NMRK2: variants seen among roughly 807,000 people sequenced by gnomAD.
NMRK2 encodes the protein NRK 2.
In NMRK2, 34 loss-of-function variants were observed where a neutral mutation model predicts 24.7. The observed-to-expected ratio is 1.37, with a 90% confidence interval of 1.05 to 1.83. NMRK2 has a LOEUF of 1.83. NMRK2 is among the 40% of genes most tolerant of loss of function. The pLI, the probability that NMRK2 is intolerant of heterozygous loss-of-function variation, is 0.00. For missense variants in NMRK2, 341 were observed against 315.0 expected (o/e 1.08, Z -0.62); for synonymous variants, 145 against 125.6 (o/e 1.15, Z -1.03).
intron 1 of NMRK2, 33 bp from the exon 2 acceptor site, chr19:3,933,425 G>A (rs1384582520): frequency 1.3e-4 from 66 of 501,950 alleles, no homozygotes; most frequent in Non-Finnish European, 1.1e-4. Flanking sequence ...CCCCCTGCCC[G>A]GCCAGCTCGT....
chr19:3,936,043 G>A (rs1357633185), intron 2 of NMRK2, among the ~76,000 whole-genome samples: 4 of 151,916 alleles, frequency 2.6e-5, no homozygotes, highest in Admixed American at 1.3e-4. Flanking sequence ...AAACCCCATC[G>A]CTATTAAAAA....
At chr19:3,939,039 G>T (rs1313025657) in intron 5 of NMRK2, among the ~76,000 whole-genome samples, 1 of 151,210 alleles carries the variant, frequency 6.6e-6, no homozygotes, top group Non-Finnish European at 1.5e-5. Flanking sequence ...GTAGAGACTG[G>T]GTTTCACCCT....
At chr19:3,934,479 G>A (rs1483032590) in intron 2 of NMRK2, among the ~76,000 whole-genome samples, 1 of 151,838 alleles carries the variant, frequency 6.6e-6, no homozygotes, top group South Asian at 2.1e-4. Context: ...TCACACCCCC[G>A]CCTCAGAAGG....
intron 3 of NMRK2, 60 bp from the exon 4 acceptor site, chr19:3,937,180 C>G: frequency 6.3e-7 from 1 of 1,583,138 alleles, no homozygotes; most frequent in Non-Finnish European, 8.7e-7. Context: ...CTCCATCACC[C>G]AGGCCGGGGG....
intron 3 of NMRK2, 78 bp from the exon 4 acceptor site, chr19:3,937,162 C>T: frequency 1.4e-6 from 2 of 1,446,982 alleles, no homozygotes; most frequent in South Asian, 1.2e-5. Context: ...GCAAGGGACC[C>T]CCTAAGACTC....
At chr19:3,936,147 G>A (rs7249960) in intron 2 of NMRK2, among the ~76,000 whole-genome samples, 124,950 of 151,358 alleles carry the variant, frequency 0.83, 51,916 homozygotes, top group East Asian at 0.99. Context: ...GGAGGCAGAG[G>A]TTGCAGTGAG....
rs1235094527 is a variant in NMRK2 at position 3,942,124 on chromosome 19, G to T, written c.544G>T (p.Glu182Ter). 2.0e-5 allele frequency: 33 copies of T among 1,613,198 alleles called. No homozygotes were observed. The highest frequency in any genetic ancestry group is 2.7e-5 in the Non-Finnish European group (32 of 1,180,020). ...GAAGTCCCGAGAGGAGCTCTTCCGT[G>T]AAGTCCTGGAAGACATTCAGAACTC... ...GMKSREELFR[E>*]VLEDIQNSLL... is the part of the protein sequence containing the mutation. The change falls in exon 8 of 8, where the codon GAA becomes TAA. Residue 182 changes from glutamate (E) to a stop codon, truncating the protein, a stop_gained. Transcript: ENST00000168977. LOFTEE classifies it low-confidence loss of function (END_TRUNC).
chr19:3,941,031 C>A, intron 6 of NMRK2, 40 bp from the exon 7 acceptor site: 1 of 1,347,940 alleles, frequency 7.4e-7, no homozygotes, highest in Non-Finnish European at 1.1e-6. Flanking sequence ...TAGCATCACC[C>A]TTCTGTGCTC....
intron 1 of NMRK2, 98 bp from the exon 2 acceptor site, chr19:3,933,360 A>G (rs1221842962): frequency 2.7e-5 from 10 of 371,586 alleles, no homozygotes; most frequent in Non-Finnish European, 4.6e-5. Flanking sequence ...GAAGGGGAGG[A>G]GAGGGGAGGA....
At position 3,939,961 on chromosome 19, in the gene NMRK2, T is replaced by C. The variant is rs2039301016; in HGVS notation, c.385T>C (p.Trp129Arg). Residue 129 changes from tryptophan (W) to arginine (R), a missense_variant, in exon 6 of 8, where the codon TGG (tryptophan) becomes CGG (arginine). Trp to Arg is a moderately radical substitution (Grantham distance 101). Transcript: ENST00000168977. ...FLTVPYEECK[W>R]RRSTRNYTVP... ...GACCGTCCCGTATGAAGAGTGCAAGTGGAGGAGAAGGTGCACTTGGTGTCT... is the reference window on the plus strand; with the variant it reads ...GACCGTCCCGTATGAAGAGTGCAAGCGGAGGAGAAGGTGCACTTGGTGTCT... 6.2e-7 allele frequency: 1 copy of C among 1,611,620 alleles called. No homozygotes were observed. The highest frequency in any genetic ancestry group is 1.3e-5 in the African/African-American group (1 of 74,850).
chr19:3,938,643 G>A lies in NMRK2; in HGVS notation c.207G>A (p.Val69=), dbSNP rs1208194175. ...ACATGGAGGCCATGCTGGACACCGT[G>A]CAGGCCTGGCTGAGCAGCCCGCAGA... ...SLDMEAMLDT[V]QAWLSSPQKF... is the part of the protein sequence containing the mutation. The change falls in exon 5 of 8, where the codon GTG becomes GTA. Residue 69 remains valine, a synonymous_variant. Transcript: ENST00000168977. 6.2e-7 allele frequency: 1 copy of A among 1,609,746 alleles called. No homozygotes were observed. The highest frequency in any genetic ancestry group is 8.5e-7 in the Non-Finnish European group (1 of 1,177,742).
At chr19:3,939,769 C>G (rs1314270303) in intron 5 of NMRK2, 131 bp from the exon 6 acceptor site, 5 of 716,974 alleles carry the variant, frequency 7.0e-6, no homozygotes, top group East Asian at 5.5e-5. Context: ...TCCCTGACCC[C>G]TAAACTCACT....
In NMRK2 at chr19:3,942,274, G is replaced by A. The variant is rs761036295; in HGVS notation, c.*1G>A. ...AGCGTCCCAGCAGGACAGCATGTGA[G>A]CGTTTCCCTATGGGGGTGTCTGTAC... On this transcript the variant is annotated 3_prime_UTR_variant, in exon 8 of 8. Transcript: ENST00000168977. 2.5e-6 allele frequency: 4 copies of A among 1,603,316 alleles called. No individual in the cohort carries two copies. The highest frequency in any genetic ancestry group is 1.7e-5 in the Admixed American group (1 of 58,202).
chr19:3,933,664 G>A lies in NMRK2; in HGVS notation c.-8G>A. 2 of 1,515,260 alleles carry A rather than the reference G, an allele frequency of 1.3e-6. No individual in the cohort carries two copies. The highest frequency in any genetic ancestry group is 2.6e-5 in the East Asian group (1 of 37,744). The allele number at this position is 1,515,260 out of a possible 1,614,324, so 93.9% of individuals were successfully genotyped here. ...TGGAAGTCGTCCCCGCCGCCCCTCC[G>A]CACCGGCATGAAGCTCATCGTGGGC... is the stretch of plus-strand genomic sequence containing the variant. On this transcript the variant is annotated 5_prime_UTR_variant, in exon 2 of 8. Coordinates refer to ENST00000168977, the MANE Select transcript of NMRK2 (RefSeq NM_170678.3).
intron 2 of NMRK2, among the ~76,000 whole-genome samples, 172 bp downstream of exon 2, chr19:3,933,869 G>A (rs768318509): frequency 1.3e-5 from 2 of 152,128 alleles, no homozygotes; most frequent in Non-Finnish European, 2.9e-5. Flanking sequence ...GGTGTCCCCA[G>A]TGGGAAGGGG....
rs893310419 is a variant in NMRK2, at chr19:3,933,618, C to T, written c.-54C>T. 5.7e-5 allele frequency: 87 copies of T among 1,514,294 alleles called. No homozygotes were observed. The highest frequency in any genetic ancestry group is 6.9e-5 in the Non-Finnish European group (78 of 1,132,432). The allele number at this position is 1,514,294 out of a possible 1,614,324, so 93.8% of individuals were successfully genotyped here. A position where few individuals can be genotyped will look rare whatever the true frequency, so the allele number is the denominator to read the frequency against. On this transcript the variant is annotated 5_prime_UTR_variant, in exon 2 of 8. Coordinates refer to ENST00000168977, the MANE Select transcript of NMRK2 (RefSeq NM_170678.3). The stretch of plus-strand genomic sequence containing the variant: ...CGCACTCCGGAGCGCACTGCGTGGT[C>T]GCACCCTACCCGGGCTGCCTTGGAA...
At position 3,939,887 on chromosome 19, in the gene NMRK2, C is replaced by A. The variant is rs1413330021; in HGVS notation, c.324-13C>A. Reference sequence around the variant, plus strand: ...CTCACAGGTGCTGACCGTGTCTCCCCCACTCCGCCCAGGCCCCTGGTGGAC... The same window carrying A: ...CTCACAGGTGCTGACCGTGTCTCCCACACTCCGCCCAGGCCCCTGGTGGAC... On this transcript the variant is annotated splice_polypyrimidine_tract_variant and intron_variant, in intron 5 of 7. Coordinates refer to ENST00000168977, the MANE Select transcript of NMRK2 (RefSeq NM_170678.3). 1.2e-6 allele frequency: 2 copies of A among 1,611,176 alleles called. No homozygotes were observed. Among genetic ancestry groups the A allele is most frequent in the Admixed American group, 3.3e-5 (2 of 59,882 alleles).
rs1007406925 is a variant in NMRK2, at chr19:3,939,209, T to C, written c.323+450T>C. Among the ~76,000 whole-genome samples, 8 of 146,674 alleles carry C rather than the reference T, an allele frequency of 5.5e-5. No individual in the cohort carries two copies. The South Asian group carries it at 7.0e-4, about 13-fold the overall frequency. ...CAGAGCCACCACGGGAAGTCAGGAG[T>C]TGGGGGCAGAGCTGGGATCAACCCA... On this transcript the variant is annotated intron_variant, in intron 5 of 7. Transcript: ENST00000168977.
At chr19:3,935,902 G>A (rs1004893580) in intron 2 of NMRK2, among the ~76,000 whole-genome samples, 1 of 151,640 alleles carries the variant, frequency 6.6e-6, no homozygotes, top group Non-Finnish European at 1.5e-5. Context: ...GCCCTGCTGA[G>A]ACTAAATCAA....
Sources: allele counts gnomAD v4.1 joint callset (sites outside exome capture counted in the v4.1 genomes callset), GRCh38; gene constraint gnomAD v4.1.1; transcripts MANE v1.5; gene names NCBI Gene and HGNC (gene_info 2026-07-23, HGNC 2026-07-21).